ATP1B4: variants seen among roughly 807,000 people sequenced by gnomAD.
ATP1B4 encodes ATPase Na+/K+ transporting family member beta 4.
Under a neutral mutation model 29.6 loss-of-function variants are expected in ATP1B4, and 32 were observed. That is an observed-to-expected ratio of 1.08 (90% confidence interval 0.82 to 1.45). The LOEUF (loss-of-function observed/expected upper bound fraction) is 1.45, where lower values mean the gene tolerates loss of function less well. Among genes scored for constraint, ATP1B4 ranks in the 40% most tolerant of loss-of-function variants. ATP1B4 has a pLI of 0.00. For synonymous variants in ATP1B4, 127 were observed against 102.1 expected, an observed-to-expected ratio of 1.24 and a Z score of -1.47; for missense variants, 323 against 276.2, an observed-to-expected ratio of 1.17 and a Z score of -1.20.
Position 120,370,998 on chromosome X carries a change from G to A in ATP1B4, c.458-108G>A, listed in dbSNP as rs143471727. ...AGTAAAATGGTACTTGGCAAATTAT[G>A]GTTCTTTTCATTTTGATTGCCTGGG... On this transcript the variant is annotated intron_variant, in intron 3 of 7. Transcript: ENST00000218008. 4.2e-4 allele frequency: 425 copies of A among 1,023,315 alleles called. 1 individual carries two copies. In the East Asian group the frequency reaches 0.011, roughly 28 times the overall value. The allele number at this position is 1,023,315 out of a possible 1,213,427, so 84.3% of individuals were successfully genotyped here.
intron 2 of ATP1B4, among the ~76,000 whole-genome samples, chrX:120,369,603 G>C (rs933911207): frequency 5.4e-5 from 6 of 111,773 alleles, no homozygotes; most frequent in African/African-American, 1.6e-4. Context: ...AGAGCCCCAA[G>C]GAGGGCTTGA....
Position 120,366,719 on chromosome X carries a change from G to A in ATP1B4, c.258G>A (p.Leu86=), listed in dbSNP as rs1041321465. The change falls in exon 2 of 8, where the codon TTG becomes TTA. Residue 86 remains leucine, a synonymous_variant. Coordinates refer to ENST00000218008, the MANE Select transcript of ATP1B4 (RefSeq NM_001142447.3). ...CAGGCAATGCCTGGTGGCAGAAATT[G>A]CAGATCATGAGTGAATACCTGTGGG... ...QPTGNAWWQK[L]QIMSEYLWDP... is the part of the protein sequence containing the mutation. 1.7e-6 allele frequency: 2 copies of A among 1,210,017 alleles called. No individual in the cohort carries two copies. The highest frequency in any genetic ancestry group is 3.5e-5 in the African/African-American group (2 of 57,098).
chrX:120,377,693 T>C (rs966348050), intron 6 of ATP1B4, among the ~76,000 whole-genome samples: 1 of 111,947 alleles, frequency 8.9e-6, no homozygotes, highest in African/African-American at 3.2e-5. Flanking sequence ...TTAATTATTA[T>C]TTTTAGCTAC....
chrX:120,371,308 C>A, intron 4 of ATP1B4, 98 bp downstream of exon 4: 1 of 620,411 alleles, frequency 1.6e-6, no homozygotes, highest in Non-Finnish European at 2.7e-6. Context: ...CCCAGTCTTA[C>A]TAACCCCAAC....
chrX:120,366,847 T>C, intron 2 of ATP1B4, 58 bp downstream of exon 2: 1 of 1,173,870 alleles, frequency 8.5e-7, no homozygotes, highest in Non-Finnish European at 1.1e-6. Context: ...GGTGTGGTGT[T>C]CAGGGCTCCT....
At chrX:120,363,245 C>A (rs1181164307) in intron 1 of ATP1B4, among the ~76,000 whole-genome samples, 1 of 112,000 alleles carries the variant, frequency 8.9e-6, no homozygotes, top group Admixed American at 9.5e-5. Flanking sequence ...ATTATTCTAA[C>A]CTCCTATCAA....
chrX:120,366,482 C>G (rs761323543), intron 1 of ATP1B4, 43 bp from the exon 2 acceptor site: 31 of 1,170,684 alleles, frequency 2.6e-5, no homozygotes, highest in Non-Finnish European at 3.4e-5. Context: ...CACCATTGTA[C>G]ATTTTTTTTC....
At chrX:120,375,745 G>A (rs1309159232) in intron 5 of ATP1B4, among the ~76,000 whole-genome samples, 177 bp downstream of exon 5, 3 of 108,703 alleles carry the variant, frequency 2.8e-5, no homozygotes, top group South Asian at 4.2e-4. Flanking sequence ...CCCGCCCACC[G>A]AGCACTTCCT....
chrX:120,366,763 T>C lies in ATP1B4; in HGVS notation c.302T>C (p.Phe101Ser). Residue 101 changes from phenylalanine (F) to serine (S), a missense_variant, in exon 2 of 8, where the codon TTT becomes TCT. By Grantham distance (155) the Phe-to-Ser change is radical. Coordinates refer to ENST00000218008, the MANE Select transcript of ATP1B4 (RefSeq NM_001142447.3). Reference protein sequence around the residue: ...EYLWDPERRMFLARTGQSWSL... With the variant: ...EYLWDPERRMSLARTGQSWSL... ...CTGTGGGATCCAGAGAGAAGGATGT[T>C]TCTGGCCCGAACAGGTCAGAGTTGG... 1 of 1,211,330 alleles carries C rather than the reference T, an allele frequency of 8.3e-7. No individual in the cohort carries two copies. The highest frequency in any genetic ancestry group is 1.1e-6 in the Non-Finnish European group (1 of 895,121).
intron 2 of ATP1B4, among the ~76,000 whole-genome samples, chrX:120,369,404 C>T (rs2058301958): frequency 8.9e-6 from 1 of 112,267 alleles, no homozygotes; most frequent in Non-Finnish European, 1.9e-5. Context: ...TTTTTTCTCC[C>T]TTCCACAACA....
At chrX:120,377,677 A>C (rs1349522611) in intron 6 of ATP1B4, among the ~76,000 whole-genome samples, 1 of 111,942 alleles carries the variant, frequency 8.9e-6, no homozygotes, top group Non-Finnish European at 1.9e-5. Flanking sequence ...AAATTGTTTT[A>C]ATGTTTTAAT....
rs938459030 is a variant in ATP1B4 at position 120,365,475 on chromosome X, G to T, written c.64-1050G>T. ...TAAATGGCCTTTGAGGAATCAGGCC[G>T]GGAGGGGGCAGCACAGAGCCCCTGG... On this transcript the variant is annotated intron_variant, in intron 1 of 7. Coordinates refer to ENST00000218008, the MANE Select transcript of ATP1B4 (RefSeq NM_001142447.3). 8.0e-5 allele frequency among the ~76,000 whole-genome samples: 9 copies of T among 112,199 alleles called. No individual in the cohort carries two copies. The Admixed American group carries it at 8.5e-4, about 11-fold the overall frequency.
chrX:120,377,456 G>A (rs12839997), intron 6 of ATP1B4, among the ~76,000 whole-genome samples: 43,895 of 111,174 alleles, frequency 0.39, 7,318 homozygotes, highest in Non-Finnish European at 0.53. Flanking sequence ...ACAACATGAG[G>A]TGACACTACA....
At chrX:120,374,783 A>ACCCT (rs2058340777) in intron 4 of ATP1B4, among the ~76,000 whole-genome samples, 1 of 756 alleles carries the variant, frequency 1.3e-3, no homozygotes, top group African/African-American at 4.0e-3. Flanking sequence ...TAATATATAT[A>ACCCT]TATTATATAC....
rs1349270482 is a variant in ATP1B4 at position 120,379,675 on chromosome X, T to C, written c.*41T>C. The stretch of plus-strand genomic sequence containing the variant: ...ATTCTTACCAGTTCTGTTTCTGTTT[T>C]ATCTCATGGTATCTCTGGTAGCACC... On this transcript the variant is annotated 3_prime_UTR_variant, in exon 8 of 8. Transcript: ENST00000218008. The C allele has an allele frequency of 8.9e-7, 1 of 1,126,602 alleles. No individual in the cohort carries two copies. The highest frequency in any genetic ancestry group is 1.2e-6 in the Non-Finnish European group (1 of 840,662). The allele number at this position is 1,126,602 out of a possible 1,213,427, so 92.8% of individuals were successfully genotyped here.
chrX:120,371,266 T>G, intron 4 of ATP1B4, 56 bp downstream of exon 4: 1 of 1,000,856 alleles, frequency 1.0e-6, no homozygotes, highest in Non-Finnish European at 1.4e-6. Flanking sequence ...TGGGTGGGAA[T>G]CCAAAATTCA....
chrX:120,378,204 G>A (rs1169342766), intron 6 of ATP1B4, among the ~76,000 whole-genome samples: 3 of 111,750 alleles, frequency 2.7e-5, no homozygotes, highest in Non-Finnish European at 5.6e-5. Flanking sequence ...CAATAGAACC[G>A]AGCCTGCAGT....
Position 120,382,734 on chromosome X carries a change from C to T in ATP1B4, c.*3100C>T, listed in dbSNP as rs1313092451. 1 of 112,229 alleles carries T rather than the reference C, an allele frequency of 8.9e-6. No individual in the cohort carries two copies. The allele number at this position is 112,229 out of a possible 1,213,427, so 9.2% of individuals were successfully genotyped here. A position where few individuals can be genotyped will look rare whatever the true frequency, so the allele number is the denominator to read the frequency against. Reference sequence around the variant, plus strand: ...TACATTATCCTGTTAAATGCATTGACTATTAGACAAGGAATTATGAATCAT... The same window carrying T: ...TACATTATCCTGTTAAATGCATTGATTATTAGACAAGGAATTATGAATCAT... On this transcript the variant is annotated 3_prime_UTR_variant, in exon 8 of 8. Coordinates refer to ENST00000218008, the MANE Select transcript of ATP1B4 (RefSeq NM_001142447.3).
At position 120,375,459 on chromosome X, in the gene ATP1B4, A is replaced by G. The variant is rs373461272; in HGVS notation, c.650A>G (p.Lys217Arg). 8 of 1,209,113 alleles carry G rather than the reference A, an allele frequency of 6.6e-6. No homozygotes were observed. The African/African-American group carries it at 1.4e-4, about 21-fold the overall frequency. Residue 217 changes from lysine (K) to arginine (R), a missense_variant, in exon 5 of 8, where the codon AAG becomes AGG. Lys to Arg is a conservative substitution (Grantham distance 26). Transcript: ENST00000218008. ...FIQDGNEDED[K>R]KACQFKRSFL... ...CAAGATGGCAATGAGGATGAGGACA[A>G]GAAGGCCTGCCAATTTAAGCGCTCC...
Sources: gnomAD v4.1 joint callset for allele counts (sites outside exome capture counted in the v4.1 genomes callset) on GRCh38, gnomAD v4.1.1 for gene constraint, MANE v1.5 for transcripts, NCBI Gene and HGNC (gene_info 2026-07-23, HGNC 2026-07-21) for gene names.